COL23A1: variants seen among roughly 807,000 people sequenced by gnomAD.
The protein encoded by COL23A1 is collagen type XXIII alpha 1 chain.
Under a neutral mutation model 99.3 loss-of-function variants are expected in COL23A1, and 97 were observed. The ratio of observed to expected loss-of-function variants is 0.98; its 90% CI spans 0.83 to 1.16. The LOEUF (loss-of-function observed/expected upper bound fraction) is 1.16. Among genes scored for constraint, COL23A1 ranks in the 50% most tolerant of loss-of-function variants. The pLI is 0.00. For missense variants in COL23A1, 762 were observed against 757.4 expected, an observed-to-expected ratio of 1.01 and a Z score of -0.07; for synonymous variants, 320 against 308.2, an observed-to-expected ratio of 1.04 and a Z score of -0.40.
chr5:178,413,894 A>G (rs1765171442), intron 2 of COL23A1, among the ~76,000 whole-genome samples: 1 of 152,184 alleles, frequency 6.6e-6, no homozygotes, highest in Non-Finnish European at 1.5e-5. Context: ...TCTTTTGTCT[A>G]TCCAATGTCT....
rs538062807 is a variant in COL23A1, at chr5:178,365,571, C to G, written c.362-58652G>C. Among the ~76,000 whole-genome samples, 55 of 152,298 alleles carry G rather than the reference C, an allele frequency of 3.6e-4. No individual in the cohort carries two copies. The highest frequency in any genetic ancestry group is 2.5e-3 in the Admixed American group (38 of 15,300). On this transcript the variant is annotated intron_variant, in intron 2 of 28. Transcript: ENST00000390654. The surrounding 1 kb of genome is among the most constrained non-coding windows in gnomAD (Gnocchi z 5.2). ...AGGGGTCCTCAGGTCTGGCTGGGCC[C>G]ACCTGGCTGCTTCCTGGTCTCTACC...
At chr5:178,282,010 C>A (rs1352101098) in intron 5 of COL23A1, among the ~76,000 whole-genome samples, 1 of 150,188 alleles carries the variant, frequency 6.7e-6, no homozygotes, top group Non-Finnish European at 1.5e-5. Flanking sequence ...CGAGATCATG[C>A]CACTGCACTC....
At chr5:178,481,147 A>AAG (rs1554181863) in intron 2 of COL23A1, among the ~76,000 whole-genome samples, 36 of 148,838 alleles carry the variant, frequency 2.4e-4, no homozygotes, top group African/African-American at 8.8e-4. Flanking sequence ...AAAAAAAAAA[A>AAG]AAAGAAAGAA....
At chr5:178,425,891 C>A (rs1377040414) in intron 2 of COL23A1, among the ~76,000 whole-genome samples, 1 of 152,350 alleles carries the variant, frequency 6.6e-6, no homozygotes, top group East Asian at 1.9e-4. Context: ...ACTGCCTGCC[C>A]ATGGGGCTCA....
intron 2 of COL23A1, among the ~76,000 whole-genome samples, chr5:178,372,767 G>T (rs546286565): frequency 1.3e-5 from 2 of 152,060 alleles, no homozygotes; most frequent in Non-Finnish European, 2.9e-5. Flanking sequence ...GTAGAGACAG[G>T]GTTTCGCCAT....
intron 2 of COL23A1, among the ~76,000 whole-genome samples, chr5:178,326,921 T>C (rs1228373561): frequency 6.6e-6 from 1 of 152,228 alleles, no homozygotes; most frequent in East Asian, 1.9e-4. Context: ...GGTTTCACCA[T>C]GCTGGTCAGG....
chr5:178,573,769 G>A (rs987944869), intron 1 of COL23A1, among the ~76,000 whole-genome samples: 1 of 152,118 alleles, frequency 6.6e-6, no homozygotes, highest in Non-Finnish European at 1.5e-5. Flanking sequence ...AAGAGTTATT[G>A]ATACGTGCAA....
At chr5:178,249,237 G>C (rs747124939) in intron 18 of COL23A1, 31 bp from the exon 19 acceptor site, 3 of 1,598,314 alleles carry the variant, frequency 1.9e-6, no homozygotes, top group Non-Finnish European at 1.7e-6. Context: ...GGATGAGTGG[G>C]GCTCAGGAGG....
chr5:178,478,063 G>A (rs143783481), intron 2 of COL23A1, among the ~76,000 whole-genome samples: 1 of 152,302 alleles, frequency 6.6e-6, no homozygotes, highest in East Asian at 1.9e-4. Flanking sequence ...AACAGGCAGG[G>A]AAGAGGCTGG....
intron 2 of COL23A1, among the ~76,000 whole-genome samples, chr5:178,449,681 C>A (rs2127861133): frequency 6.6e-6 from 1 of 152,176 alleles, no homozygotes; most frequent in African/African-American, 2.4e-5. Context: ...CCCACCCCAC[C>A]TTTTTACTAT....
At chr5:178,399,143 G>A (rs545196123) in intron 2 of COL23A1, among the ~76,000 whole-genome samples, 1 of 152,340 alleles carries the variant, frequency 6.6e-6, no homozygotes, top group East Asian at 1.9e-4. Flanking sequence ...CTGATCAGAT[G>A]GCTCCTCACA....
In COL23A1 at chr5:178,352,816, C is replaced by T. The variant is rs149547347; in HGVS notation, c.362-45897G>A. ...CTGAGAGGGGAGTCTCCGTCTCTCACACTTGTGTAGAACCAGGCCCAGCAC... is the reference window on the plus strand; with the variant it reads ...CTGAGAGGGGAGTCTCCGTCTCTCATACTTGTGTAGAACCAGGCCCAGCAC... On this transcript the variant is annotated intron_variant, in intron 2 of 28. Transcript: ENST00000390654. 2.9e-3 allele frequency among the ~76,000 whole-genome samples: 440 copies of T among 152,338 alleles called. 2 individuals carry two copies. The highest frequency in any genetic ancestry group is 0.01 in the African/African-American group (430 of 41,594).
intron 2 of COL23A1, among the ~76,000 whole-genome samples, chr5:178,426,267 A>T (rs1294240307): frequency 6.6e-6 from 1 of 152,224 alleles, no homozygotes; most frequent in Non-Finnish European, 1.5e-5. Flanking sequence ...ATCTTTGTGG[A>T]TTCCTACCTA....
chr5:178,356,113 G>A (rs932491932), intron 2 of COL23A1, among the ~76,000 whole-genome samples: 1 of 152,218 alleles, frequency 6.6e-6, no homozygotes, highest in East Asian at 1.9e-4. Context: ...CGCAGGCACA[G>A]AAGACCCCAG....
chr5:178,456,974 T>C (rs1484875443), intron 2 of COL23A1, among the ~76,000 whole-genome samples: 1 of 152,060 alleles, frequency 6.6e-6, no homozygotes, highest in Non-Finnish European at 1.5e-5. Flanking sequence ...ACACACCCTG[T>C]TTTGGGTTTG....
intron 2 of COL23A1, among the ~76,000 whole-genome samples, chr5:178,511,695 G>C (rs987198397): frequency 1.3e-4 from 20 of 152,240 alleles, no homozygotes; most frequent in African/African-American, 4.6e-4. Flanking sequence ...GTGGACAGCT[G>C]CCAGTCCTCC....
chr5:178,541,564 G>A (rs1383666039), intron 2 of COL23A1, among the ~76,000 whole-genome samples: 2 of 152,198 alleles, frequency 1.3e-5, no homozygotes, highest in African/African-American at 4.8e-5. Flanking sequence ...GACAGAGTGA[G>A]ACTCTGTCTC....
intron 2 of COL23A1, among the ~76,000 whole-genome samples, chr5:178,358,302 ATG>A (rs1554145378): frequency 7.8e-6 from 1 of 128,634 alleles, no homozygotes; most frequent in African/African-American, 3.3e-5. Context: ...ATATGTATGT[ATG>A]TATGTGTGTG....
chr5:178,273,905 G>C (rs1015921912), intron 5 of COL23A1, among the ~76,000 whole-genome samples: 9 of 152,144 alleles, frequency 5.9e-5, no homozygotes, highest in Non-Finnish European at 8.8e-5. Flanking sequence ...CCTGTCCTGG[G>C]GAAGTTGGGC....
Sources: allele counts gnomAD v4.1 joint callset (sites outside exome capture counted in the v4.1 genomes callset), GRCh38; gene constraint gnomAD v4.1.1; non-coding constraint Gnocchi (gnomAD v3.1); transcripts MANE v1.5; gene names NCBI Gene and HGNC (gene_info 2026-07-23, HGNC 2026-07-21).